Variants in TDRD9 observed in about 807,000 individuals in gnomAD.
TDRD9 encodes tudor domain containing 9.
In TDRD9, 124 loss-of-function variants were observed where a neutral mutation model predicts 172.6. The observed-to-expected ratio is 0.72, with a 90% CI of 0.62 to 0.83. TDRD9 has a LOEUF of 0.83. Among genes scored for constraint, TDRD9 ranks in the 40% least tolerant of loss-of-function variants. TDRD9 has a pLI of 0.00. For missense variants in TDRD9, 1,479 were observed against 1,714.1 expected (o/e 0.86, Z 2.42); for synonymous variants, 619 against 617.1 (o/e 1.00, Z -0.05).
At chr14:104,011,808 TC>T (rs1020904531) in intron 20 of TDRD9, among the ~76,000 whole-genome samples, 6 of 152,194 alleles carry the variant, frequency 3.9e-5, no homozygotes, top group African/African-American at 1.4e-4. Context: ...AAGACCATCC[TC>T]AGGTTCACTG....
At chr14:103,937,485 G>C (rs1366460546) in intron 1 of TDRD9, among the ~76,000 whole-genome samples, 2 of 152,018 alleles carry the variant, frequency 1.3e-5, no homozygotes, top group Non-Finnish European at 1.5e-5. Context: ...TTCTTTCCCA[G>C]TCTCTCTAGT....
chr14:103,953,126 A>T (rs2032027436), intron 1 of TDRD9, among the ~76,000 whole-genome samples: 1 of 152,192 alleles, frequency 6.6e-6, no homozygotes. Flanking sequence ...TTAAACTAAA[A>T]GTCAGATATT....
chr14:103,988,013 C>T lies in TDRD9; in HGVS notation c.1115+1693C>T, dbSNP rs140443280. Reference sequence around the variant, plus strand: ...ATTATAAAATGCACCTCTTATCTCTCGTAACACTTAATTTTAAGACCTATT... The same window carrying T: ...ATTATAAAATGCACCTCTTATCTCTTGTAACACTTAATTTTAAGACCTATT... On this transcript the variant is annotated intron_variant, in intron 8 of 35. Coordinates refer to ENST00000409874, the MANE Select transcript of TDRD9 (RefSeq NM_153046.3). Among the ~76,000 whole-genome samples the T allele has an allele frequency of 2.1e-3, 319 of 152,268 alleles. 2 individuals carry two copies. Among genetic ancestry groups the T allele is most frequent in the African/African-American group, 7.3e-3 (302 of 41,560 alleles).
At chr14:103,932,418 C>T (rs1302576090) in intron 1 of TDRD9, among the ~76,000 whole-genome samples, 1 of 150,548 alleles carries the variant, frequency 6.6e-6, no homozygotes, top group African/African-American at 2.4e-5. Flanking sequence ...GACGGAGTCT[C>T]GCTCTGTCGC....
Position 104,008,499 on chromosome 14 carries a change from A to G in TDRD9, c.2106+33A>G, listed in dbSNP as rs369465295. On this transcript the variant is annotated intron_variant, in intron 20 of 35. Transcript: ENST00000409874. Reference sequence around the variant, plus strand: ...AAGTTTTTTGACCAAATGGATGCAAATAAAGTTGACTTATGAAATATTTAT... The same window carrying G: ...AAGTTTTTTGACCAAATGGATGCAAGTAAAGTTGACTTATGAAATATTTAT... 86 of 1,329,954 alleles carry G rather than the reference A, an allele frequency of 6.5e-5. No individual in the cohort carries two copies. In the African/African-American group the frequency reaches 1.0e-3, roughly 16 times the overall value. 82.4% of individuals were successfully genotyped at this position (1,329,954 alleles called of 1,614,324 possible).
intron 32 of TDRD9, 77 bp from the exon 33 acceptor site, chr14:104,040,119 C>G (rs1466037858): frequency 1.6e-6 from 2 of 1,254,066 alleles, no homozygotes. Context: ...ATAATTTTAT[C>G]GGTCAATTTT....
intron 2 of TDRD9, among the ~76,000 whole-genome samples, chr14:103,957,138 A>G (rs2032287825): frequency 6.6e-6 from 1 of 152,216 alleles, no homozygotes; most frequent in Admixed American, 6.5e-5. Flanking sequence ...TTAGTCTAGG[A>G]AAATTCTGAG....
At chr14:104,036,020 A>G (rs1388784266) in intron 32 of TDRD9, among the ~76,000 whole-genome samples, 1 of 152,076 alleles carries the variant, frequency 6.6e-6, no homozygotes, top group Non-Finnish European at 1.5e-5. Flanking sequence ...TTTTTTCATT[A>G]AAATATGTGC....
intron 13 of TDRD9, among the ~76,000 whole-genome samples, chr14:103,999,645 A>ATCTTTTT (rs1223932688): frequency 8.0e-6 from 1 of 125,650 alleles, no homozygotes; most frequent in Non-Finnish European, 1.7e-5. Flanking sequence ...TTTTTTAGAA[A>ATCTTTTT]ACCTTTTGGG....
At chr14:103,995,893 TCTTC>T in intron 12 of TDRD9, 86 bp downstream of exon 12, 1 of 1,244,136 alleles carries the variant, frequency 8.0e-7, no homozygotes, top group Non-Finnish European at 1.1e-6. Context: ...ATTGTTCTTC[TCTTC>T]CTTCCCATCT....
At position 104,004,265 on chromosome 14, in the gene TDRD9, A is replaced by G. The variant is rs144585440; in HGVS notation, c.1511A>G (p.Tyr504Cys). ...CGTGCTGGACGAGTGTCTAGAGGGTACTGTTACCGGCTGGTACACAAGGAT... is the reference window on the plus strand; with the variant it reads ...CGTGCTGGACGAGTGTCTAGAGGGTGCTGTTACCGGCTGGTACACAAGGAT... ...KGRAGRVSRG[Y>C]CYRLVHKDFW... The change falls in exon 14 of 36, where the codon TAC becomes TGC. Residue 504 changes from tyrosine (Y) to cysteine (C), a missense_variant. Around this residue, in one of 3 missense-constraint regions of TDRD9, gnomAD observed 1,413 missense variants for 1,649.1 expected, o/e 0.86. Coordinates refer to ENST00000409874, the MANE Select transcript of TDRD9 (RefSeq NM_153046.3). 26 of 1,602,814 alleles carry G rather than the reference A, an allele frequency of 1.6e-5. No homozygotes were observed. In the African/African-American group the frequency reaches 2.9e-4, roughly 18 times the overall value.
intron 6 of TDRD9, among the ~76,000 whole-genome samples, chr14:103,971,625 A>T (rs2033037351): frequency 6.6e-6 from 1 of 152,178 alleles, no homozygotes; most frequent in Non-Finnish European, 1.5e-5. Flanking sequence ...ATTTTAACAG[A>T]AACATTTGAA....
At chr14:104,027,515 G>A (rs1005681218) in intron 28 of TDRD9, among the ~76,000 whole-genome samples, 1 of 152,136 alleles carries the variant, frequency 6.6e-6, no homozygotes, top group African/African-American at 2.4e-5. Flanking sequence ...GAAAATCAGT[G>A]TTAGAGTTAT....
intron 25 of TDRD9, among the ~76,000 whole-genome samples, chr14:104,025,171 G>C (rs2035076635): frequency 6.6e-6 from 1 of 152,066 alleles, no homozygotes; most frequent in East Asian, 1.9e-4. Flanking sequence ...TGGTAGAGAC[G>C]GGGTTTTACC....
chr14:103,938,679 C>T (rs12885224), intron 1 of TDRD9, among the ~76,000 whole-genome samples: 38,955 of 151,156 alleles, frequency 0.26, 5,375 homozygotes, highest in Non-Finnish European at 0.32. Context: ...CCTTGTGATT[C>T]GCCCGCCTCG....
chr14:103,949,097 G>T (rs1246586469), intron 1 of TDRD9, among the ~76,000 whole-genome samples: 1 of 152,094 alleles, frequency 6.6e-6, no homozygotes, highest in African/African-American at 2.4e-5. Context: ...GGTGGTGAAG[G>T]TTGCATAACA....
chr14:104,019,672 G>A (rs149597669), intron 23 of TDRD9, among the ~76,000 whole-genome samples: 9 of 152,310 alleles, frequency 5.9e-5, no homozygotes, highest in Non-Finnish European at 1.3e-4. Context: ...TAGAGCAGGG[G>A]TGACTTCATG....
chr14:103,934,819 T>C (rs544696229), intron 1 of TDRD9, among the ~76,000 whole-genome samples: 1 of 152,160 alleles, frequency 6.6e-6, no homozygotes, highest in African/African-American at 2.4e-5. Flanking sequence ...CAGGGAAGAA[T>C]CTCTTGATGT....
At chr14:104,042,313 TGGAG>T in intron 34 of TDRD9, 126 bp downstream of exon 34, 5 of 670,472 alleles carry the variant, frequency 7.5e-6, no homozygotes, top group Non-Finnish European at 1.3e-5. Context: ...GTGCCAGTGC[TGGAG>T]GCAGCACTGG....
Sources: allele counts gnomAD v4.1 joint callset (sites outside exome capture counted in the v4.1 genomes callset), GRCh38; gene constraint gnomAD v4.1.1; regional missense constraint gnomAD v4.1.1; transcripts MANE v1.5; gene names NCBI Gene and HGNC (gene_info 2026-07-23, HGNC 2026-07-21).